The following C5AR1 variants were observed in gnomAD, a reference collection of about 807,000 sequenced individuals.
C5AR1 encodes the protein C5a anaphylatoxin chemotactic receptor 1.
Under a neutral mutation model 2.4 loss-of-function variants are expected in C5AR1, and 4 were observed. The ratio of observed to expected loss-of-function variants is 1.65; its 90% CI spans 0.81 to 3.77. The LOEUF (loss-of-function observed/expected upper bound fraction) is 3.77, where lower values mean the gene tolerates loss of function less well. Among genes scored for constraint, C5AR1 ranks in the 30% most tolerant of loss-of-function variants. C5AR1 has a pLI of 0.01. For synonymous variants in C5AR1, 209 were observed against 210.4 expected (o/e 0.99, Z 0.06); for missense variants, 418 against 462.5 (o/e 0.90, Z 0.88).
upstream of C5AR1, among the ~76,000 whole-genome samples, chr19:47,308,204 C>G (rs1220257619): frequency 5.6e-5 from 7 of 125,478 alleles, no homozygotes; most frequent in Admixed American, 4.3e-4. Flanking sequence ...GAGAGTGAGA[C>G]TCCATCTCAA....
chr19:47,314,365 C>T (rs1417808623), intron 1 of C5AR1, among the ~76,000 whole-genome samples: 4 of 152,110 alleles, frequency 2.6e-5, no homozygotes, highest in Non-Finnish European at 4.4e-5. Flanking sequence ...CAGCTACCTA[C>T]GTTTATTTTT....
At chr19:47,314,686 C>T (rs1298311439) in intron 1 of C5AR1, among the ~76,000 whole-genome samples, 3 of 151,762 alleles carry the variant, frequency 2.0e-5, no homozygotes, top group African/African-American at 7.3e-5. Context: ...GCGTGAACCA[C>T]CGTGTCCAGC....
Position 47,320,575 on chromosome 19 carries a change from C to T in C5AR1, c.798C>T (p.Ser266=). ...LPYQVTGIMM[S]FLEPSSPTFL... ...ACCAGGTGACGGGGATAATGATGTCCTTCCTGGAGCCATCGTCACCCACCT... is the reference window on the plus strand; with the variant it reads ...ACCAGGTGACGGGGATAATGATGTCTTTCCTGGAGCCATCGTCACCCACCT... The change falls in exon 2 of 2, where the codon TCC becomes TCT. Residue 266 remains serine, a synonymous_variant. Transcript: ENST00000355085. This position sits in a 1 kb window ranked among gnomAD's most constrained non-coding sequence, Gnocchi z 4.9. The T allele has an allele frequency of 6.2e-7, 1 of 1,613,988 alleles. No homozygotes were observed.
Position 47,320,973 on chromosome 19 carries a change from T to A in C5AR1, c.*143T>A. ...ATGTTGCCTGTCTTTCCCAGACTTG[T>A]CCCTCCTTTTCCAGCGGGACTCTTC... On this transcript the variant is annotated 3_prime_UTR_variant, in exon 2 of 2. Transcript: ENST00000355085. This position sits in a 1 kb window ranked among gnomAD's most constrained non-coding sequence, Gnocchi z 4.9. 2.9e-6 allele frequency: 2 copies of A among 683,424 alleles called. No homozygotes were observed. Among genetic ancestry groups the A allele is most frequent in the Non-Finnish European group, 4.8e-6 (2 of 417,152 alleles). The allele number at this position is 683,424 out of a possible 1,614,324, so 42.3% of individuals were successfully genotyped here. A position where few individuals can be genotyped will look rare whatever the true frequency, so the allele number is the denominator to read the frequency against.
At chr19:47,309,919 G>A in intron 1 of C5AR1, 21 bp downstream of exon 1, 2 of 1,609,080 alleles carry the variant, frequency 1.2e-6, no homozygotes, top group Non-Finnish European at 1.7e-6. Context: ...AAGGGGAATG[G>A]GAGCAGGAAA....
intron 1 of C5AR1, among the ~76,000 whole-genome samples, chr19:47,315,980 C>T (rs924724300): frequency 2.7e-5 from 4 of 148,020 alleles, no homozygotes; most frequent in African/African-American, 1.0e-4. Flanking sequence ...TTCATCCATC[C>T]ATCCATCCAT....
rs1197688761 is a variant in C5AR1 at position 47,320,859 on chromosome 19, G to A, written c.*29G>A. ...ACAGCCTCATGGGCCACTGTGGCCC[G>A]ATGTCCCCTTCCTTCCCGGCCATTC... is the stretch of plus-strand genomic sequence containing the variant. On this transcript the variant is annotated 3_prime_UTR_variant, in exon 2 of 2. Transcript: ENST00000355085. The surrounding 1 kb of genome is among the most constrained non-coding windows in gnomAD (Gnocchi z 4.9). 1.8e-5 allele frequency: 28 copies of A among 1,553,342 alleles called. No individual in the cohort carries two copies. In the African/African-American group the frequency reaches 2.0e-4, roughly 11 times the overall value.
chr19:47,309,929 A>G (rs1445361862), intron 1 of C5AR1, 31 bp downstream of exon 1: 2 of 1,607,578 alleles, frequency 1.2e-6, no homozygotes, highest in African/African-American at 1.3e-5. Context: ...GGAGCAGGAA[A>G]CTTTGTCCTG....
chr19:47,318,482 C>CG (rs2059297162), intron 1 of C5AR1, among the ~76,000 whole-genome samples: 1 of 151,770 alleles, frequency 6.6e-6, no homozygotes, highest in South Asian at 2.1e-4. Flanking sequence ...TTAGTAGAGA[C>CG]GGGGTTTCAC....
rs1416149298 is a variant in C5AR1, at chr19:47,315,064, G to A, written c.4-4717G>A. The stretch of plus-strand genomic sequence containing the variant: ...CTTTTTGTCTGTTTTTTTCCTTTTT[G>A]TAGGGATAGGGTCTTGCTAGGTTAC... On this transcript the variant is annotated intron_variant, in intron 1 of 1. Coordinates refer to ENST00000355085, the MANE Select transcript of C5AR1 (RefSeq NM_001736.4). Among the ~76,000 whole-genome samples, 3 of 151,606 alleles carry A rather than the reference G, an allele frequency of 2.0e-5. 1 individual carries two copies. The highest frequency in any genetic ancestry group is 2.0e-4 in the Admixed American group (3 of 15,198).
At chr19:47,313,118 T>C (rs540537226) in intron 1 of C5AR1, among the ~76,000 whole-genome samples, 2 of 152,016 alleles carry the variant, frequency 1.3e-5, no homozygotes, top group African/African-American at 4.8e-5. Flanking sequence ...GTATCACAGG[T>C]GCGTGCCACC....
At chr19:47,313,513 C>T (rs2059277134) in intron 1 of C5AR1, among the ~76,000 whole-genome samples, 1 of 151,536 alleles carries the variant, frequency 6.6e-6, no homozygotes. Context: ...CTTTGGGAGG[C>T]TGAGGTGGGT....
chr19:47,321,175 A>T lies in C5AR1; in HGVS notation c.*345A>T, dbSNP rs189979333. 1.2e-3 allele frequency: 134 copies of T among 110,030 alleles called. No individual in the cohort carries two copies. The highest frequency in any genetic ancestry group is 3.3e-4 in the Non-Finnish European group (19 of 57,572). 6.8% of individuals were successfully genotyped at this position (110,030 alleles called of 1,614,324 possible). ...TGAACAGGGAACTCAGAATACAGAC[A>T]AGTAGAAAGATTCTCGCTTAAAAAA... On this transcript the variant is annotated 3_prime_UTR_variant, in exon 2 of 2. Transcript: ENST00000355085.
intron 1 of C5AR1, among the ~76,000 whole-genome samples, chr19:47,314,927 C>G (rs1273921270): frequency 2.6e-5 from 4 of 152,228 alleles, no homozygotes; most frequent in Non-Finnish European, 5.9e-5. Context: ...CTCCTGACTT[C>G]AAGTGATCCA....
At chr19:47,313,457 G>C (rs930620543) in intron 1 of C5AR1, among the ~76,000 whole-genome samples, 2 of 151,892 alleles carry the variant, frequency 1.3e-5, no homozygotes, top group African/African-American at 4.8e-5. Context: ...CACTCAAACA[G>C]AGGGCTCTGG....
Position 47,320,040 on chromosome 19 carries a change from C to A in C5AR1, c.263C>A (p.Ala88Glu). 6.2e-7 allele frequency: 1 copy of A among 1,614,222 alleles called. No individual in the cohort carries two copies. Among genetic ancestry groups the A allele is most frequent in the Non-Finnish European group, 8.5e-7 (1 of 1,180,046 alleles). Residue 88 changes from alanine to glutamate, a missense_variant, in exon 2 of 2, where the codon GCG becomes GAG. Ala to Glu is a moderately radical substitution (Grantham distance 107). Transcript: ENST00000355085. The surrounding 1 kb of genome is among the most constrained non-coding windows in gnomAD (Gnocchi z 4.9). ...LAVADFLSCL[A>E]LPILFTSIVQ... ...GTAGCCGACTTCCTCTCCTGCCTGG[C>A]GCTGCCCATCTTGTTCACGTCCATT...
At chr19:47,312,437 C>T (rs903810729) in intron 1 of C5AR1, among the ~76,000 whole-genome samples, 1 of 152,184 alleles carries the variant, frequency 6.6e-6, no homozygotes, top group Non-Finnish European at 1.5e-5. Flanking sequence ...ACATCATAGG[C>T]TAGTTGAGAG....
chr19:47,313,754 A>G (rs959372947), intron 1 of C5AR1, among the ~76,000 whole-genome samples: 2 of 151,842 alleles, frequency 1.3e-5, no homozygotes, highest in Non-Finnish European at 2.9e-5. Context: ...TAAAAAAAAA[A>G]AAGAGAGAGA....
At chr19:47,313,135 G>A (rs1461611794) in intron 1 of C5AR1, among the ~76,000 whole-genome samples, 1 of 152,046 alleles carries the variant, frequency 6.6e-6, no homozygotes, top group South Asian at 2.1e-4. Flanking sequence ...CACCACACAC[G>A]GCTAATTTTT....
Sources: gnomAD v4.1 joint callset for allele counts (sites outside exome capture counted in the v4.1 genomes callset) on GRCh38, gnomAD v4.1.1 for gene constraint, Gnocchi (gnomAD v3.1) non-coding constraint, MANE v1.5 for transcripts, NCBI Gene and HGNC (gene_info 2026-07-23, HGNC 2026-07-21) for gene names.